STEEP1: variants seen among roughly 807,000 people sequenced by gnomAD.
STEEP1 encodes the protein STING1 ER exit protein 1, also known as STING ER exit protein.
STEEP1 carries 3 observed loss-of-function variants against 19.2 expected under a neutral mutation model. The ratio of observed to expected loss-of-function variants is 0.16; its 90% confidence interval spans 0.07 to 0.40. The LOEUF (loss-of-function observed/expected upper bound fraction) is 0.40, where lower values mean the gene tolerates loss of function less well. Among genes scored for constraint, STEEP1 ranks in the 10% least tolerant of loss-of-function variants. STEEP1 has a pLI of 0.99. For missense variants in STEEP1, 54 were observed against 177.1 expected (o/e 0.30, Z 3.94); for synonymous variants, 46 against 63.7 (o/e 0.72, Z 1.32).
chrX:119,548,128 C>T (rs187542801), intron 2 of STEEP1, among the ~76,000 whole-genome samples: 118 of 110,871 alleles, frequency 1.1e-3, no homozygotes, highest in African/African-American at 3.2e-3. Flanking sequence ...GCCAAGATTG[C>T]GTCACTGCAC....
chrX:119,549,936 C>T (rs1053820247), intron 2 of STEEP1, among the ~76,000 whole-genome samples: 4 of 111,875 alleles, frequency 3.6e-5, no homozygotes, highest in Non-Finnish European at 7.5e-5. Flanking sequence ...AGCTTTCCCC[C>T]TAAAATCAGG....
intron 2 of STEEP1, 74 bp from the exon 3 acceptor site, chrX:119,545,578 A>C: frequency 1.4e-6 from 1 of 728,486 alleles, no homozygotes; most frequent in East Asian, 3.5e-5. Context: ...CCATTTCTTC[A>C]AACGCTAAGA....
chrX:119,545,893 CAA>C (rs71927150), intron 2 of STEEP1, among the ~76,000 whole-genome samples: 342 of 55,399 alleles, frequency 6.2e-3, no homozygotes, highest in Middle Eastern at 0.012. Context: ...AACTCCGTCT[CAA>C]AAAAAAAAAA....
intron 2 of STEEP1, among the ~76,000 whole-genome samples, chrX:119,555,900 G>T (rs2053275363): frequency 9.0e-6 from 1 of 111,607 alleles, no homozygotes; most frequent in Admixed American, 9.6e-5. Flanking sequence ...ATCATAAGAA[G>T]AAGGAAAAGA....
intron 3 of STEEP1, among the ~76,000 whole-genome samples, chrX:119,545,198 C>T (rs867453084): frequency 1.9e-5 from 2 of 104,714 alleles, no homozygotes; most frequent in Middle Eastern, 0.01. Flanking sequence ...TACTAAAATA[C>T]AAAAATTAGC....
chrX:119,541,020 T>G (rs755972914), intron 6 of STEEP1, among the ~76,000 whole-genome samples: 12 of 111,398 alleles, frequency 1.1e-4, no homozygotes, highest in Non-Finnish European at 2.3e-4. Flanking sequence ...CACTCCAGCC[T>G]GGGCGACAAA....
At position 119,546,146 on chromosome X, in the gene STEEP1, C is replaced by A. The variant is rs184458981; in HGVS notation, c.243-642G>T. On this transcript the variant is annotated intron_variant, in intron 2 of 6. Transcript: ENST00000644802. ...GTGCCAAGAGCTATTCTAAAGTATA[C>A]ATGTATTAACTCGGCTGGGCACGGT... Among the ~76,000 whole-genome samples the A allele has an allele frequency of 1.3e-4, 14 of 110,255 alleles. No homozygotes were observed. The East Asian group carries it at 3.5e-3, about 27-fold the overall frequency.
At chrX:119,562,949 A>G (rs1278785511) in intron 1 of STEEP1, among the ~76,000 whole-genome samples, 3 of 111,129 alleles carry the variant, frequency 2.7e-5, no homozygotes, top group African/African-American at 9.8e-5. Context: ...AGAAATACCA[A>G]TTAAAAAGGC....
chrX:119,540,577 A>C (rs892576548), intron 6 of STEEP1, among the ~76,000 whole-genome samples: 1 of 112,284 alleles, frequency 8.9e-6, no homozygotes, highest in Non-Finnish European at 1.9e-5. Flanking sequence ...ACAGATCCAT[A>C]TGCTCTAAGA....
chrX:119,553,781 C>G (rs1181643338), intron 2 of STEEP1, among the ~76,000 whole-genome samples: 2 of 111,876 alleles, frequency 1.8e-5, no homozygotes, highest in East Asian at 5.6e-4. Flanking sequence ...TTCAAGCTTT[C>G]AAAACACATA....
intron 4 of STEEP1, among the ~76,000 whole-genome samples, chrX:119,542,997 C>CA (rs60574433): frequency 0.02 from 940 of 47,820 alleles, 71 homozygotes; most frequent in African/African-American, 0.04. Flanking sequence ...CTGGGTCTCG[C>CA]AAAAAAAAAA....
At chrX:119,550,707 GGA>G (rs1428338703) in intron 2 of STEEP1, among the ~76,000 whole-genome samples, 2 of 111,918 alleles carry the variant, frequency 1.8e-5, no homozygotes, top group Admixed American at 1.9e-4. Flanking sequence ...CACCCAGTCT[GGA>G]GTACAGTGGC....
intron 2 of STEEP1, among the ~76,000 whole-genome samples, chrX:119,559,978 G>A (rs1386291944): frequency 8.9e-6 from 1 of 111,987 alleles, no homozygotes; most frequent in Non-Finnish European, 1.9e-5. Context: ...GAATCTGGGA[G>A]GTGGAGGTTG....
chrX:119,545,893 CAAAAAA>C (rs71927150), intron 2 of STEEP1, among the ~76,000 whole-genome samples: 2 of 55,440 alleles, frequency 3.6e-5, no homozygotes, highest in African/African-American at 7.1e-5. Flanking sequence ...AACTCCGTCT[CAAAAAA>C]AAAAAAAAAA....
intron 2 of STEEP1, among the ~76,000 whole-genome samples, chrX:119,554,339 G>A (rs2053264286): frequency 9.0e-6 from 1 of 111,429 alleles, no homozygotes; most frequent in Non-Finnish European, 1.9e-5. Context: ...CAGCTACTCG[G>A]GAAGCTGAGG....
At chrX:119,562,195 G>C (rs932985456) in intron 1 of STEEP1, among the ~76,000 whole-genome samples, 1 of 111,684 alleles carries the variant, frequency 9.0e-6, no homozygotes, top group African/African-American at 3.3e-5. Context: ...TCAGGAGTTC[G>C]AGACCAGCCT....
At position 119,544,440 on chromosome X, in the gene STEEP1, G is replaced by T. The variant is rs2053186746; in HGVS notation, c.336C>A (p.Thr112=). ...TGACTACTGCTCCATCCACAATGAA[G>T]GTAACAGGAGCATTCTTTGGCTGGG... is the stretch of plus-strand genomic sequence containing the variant. ...YQSQPKNAPV[T]FIVDGAVVKF... Residue 112 remains threonine (T), a synonymous_variant, in exon 4 of 7, where the codon ACC becomes ACA. Transcript: ENST00000644802. The T allele has an allele frequency of 8.3e-7, 1 of 1,208,941 alleles. No homozygotes were observed. Among genetic ancestry groups the T allele is most frequent in the Non-Finnish European group, 1.1e-6 (1 of 893,078 alleles).
chrX:119,562,384 T>A (rs1171919185), intron 1 of STEEP1, among the ~76,000 whole-genome samples: 1 of 110,816 alleles, frequency 9.0e-6, no homozygotes, highest in East Asian at 2.8e-4. Context: ...AAATACAAAA[T>A]TAGCTGAGCA....
chrX:119,562,448 G>A (rs964034343), intron 1 of STEEP1, among the ~76,000 whole-genome samples: 1 of 107,236 alleles, frequency 9.3e-6, no homozygotes, highest in African/African-American at 3.4e-5. Flanking sequence ...CAGGAGAATC[G>A]CTTGAACCCA....
Sources: allele counts gnomAD v4.1 joint callset (sites outside exome capture counted in the v4.1 genomes callset), GRCh38; gene constraint gnomAD v4.1.1; transcripts MANE v1.5; gene names NCBI Gene and HGNC (gene_info 2026-07-23, HGNC 2026-07-21).